Variants in PAPPA observed in about 807,000 individuals in gnomAD.
PAPPA encodes the protein pappalysin 1.
In PAPPA, 60 loss-of-function variants were observed where a neutral mutation model predicts 164.0. That is an observed-to-expected ratio of 0.37 (90% confidence interval 0.30 to 0.45). The LOEUF (loss-of-function observed/expected upper bound fraction) is 0.45. Among genes scored for constraint, PAPPA ranks in the 20% least tolerant of loss-of-function variants. The probability of loss-of-function intolerance (pLI) is 1.00; values close to 1 mark genes in which losing one functional copy is unlikely to be tolerated. For synonymous variants in PAPPA, 875 were observed against 814.1 expected, an observed-to-expected ratio of 1.07 and a Z score of -1.27; for missense variants, 1,782 against 2,087.3, an observed-to-expected ratio of 0.85 and a Z score of 2.85.
At position 116,400,841 on chromosome 9, in the gene PAPPA, C is replaced by G. The variant is rs1360906469; in HGVS notation, c.*4225C>G. ...GTACAGAAGTTAGAATTTTTGACTC[C>G]AGGCAGCAGTTTGCTCAGTGATCTT... is the stretch of plus-strand genomic sequence containing the variant. On this transcript the variant is annotated 3_prime_UTR_variant, in exon 22 of 22. Coordinates refer to ENST00000328252, the MANE Select transcript of PAPPA (RefSeq NM_002581.5). The G allele has an allele frequency of 6.6e-6, 1 of 152,584 alleles. No homozygotes were observed. The highest frequency in any genetic ancestry group is 1.5e-5 in the Non-Finnish European group (1 of 68,020). The allele number at this position is 152,584 out of a possible 1,614,324, so 9.5% of individuals were successfully genotyped here.
chr9:116,204,539 G>A (rs868483957), intron 2 of PAPPA, among the ~76,000 whole-genome samples: 4 of 152,082 alleles, frequency 2.6e-5, no homozygotes, highest in African/African-American at 4.8e-5. Flanking sequence ...CTCGGCCTCC[G>A]AAGTACTGGG....
intron 1 of PAPPA, among the ~76,000 whole-genome samples, chr9:116,173,280 G>A (rs888331902): frequency 1.3e-5 from 2 of 152,142 alleles, no homozygotes; most frequent in African/African-American, 4.8e-5. Context: ...AAATTTAGTA[G>A]TGTATCAAAC....
intron 18 of PAPPA, among the ~76,000 whole-genome samples, chr9:116,364,755 G>A (rs1462581587): frequency 6.6e-6 from 1 of 152,114 alleles, no homozygotes; most frequent in Non-Finnish European, 1.5e-5. Flanking sequence ...GAACAGTGGA[G>A]AAAGAGGGGA....
chr9:116,274,742 G>A (rs1845177048), intron 9 of PAPPA, among the ~76,000 whole-genome samples: 1 of 152,182 alleles, frequency 6.6e-6, no homozygotes, highest in African/African-American at 2.4e-5. Context: ...ATAAGGAAGA[G>A]CCCAACGCTT....
intron 2 of PAPPA, among the ~76,000 whole-genome samples, chr9:116,200,755 C>A (rs777476909): frequency 2.0e-5 from 3 of 151,478 alleles, no homozygotes; most frequent in Non-Finnish European, 2.9e-5. Context: ...TTAATAGAAT[C>A]TCAGTAAGTG....
chr9:116,298,475 C>A (rs75372938), intron 9 of PAPPA, among the ~76,000 whole-genome samples: 6,015 of 152,300 alleles, frequency 0.039, 163 homozygotes, highest in Non-Finnish European at 0.061. Context: ...GTGAGGAATT[C>A]CCTGATATGA....
chr9:116,192,634 G>A (rs753368884), intron 2 of PAPPA, among the ~76,000 whole-genome samples: 21 of 152,200 alleles, frequency 1.4e-4, no homozygotes, highest in Non-Finnish European at 2.8e-4. Flanking sequence ...CACAGTACTA[G>A]CCAGGAGGAG....
At chr9:116,263,339 C>T (rs530322747) in intron 7 of PAPPA, among the ~76,000 whole-genome samples, 61 of 152,266 alleles carry the variant, frequency 4.0e-4, no homozygotes, top group East Asian at 1.7e-3. Flanking sequence ...GGAAAGAGAG[C>T]AAGCTGCCAG....
At chr9:116,316,472 G>A (rs190957720) in intron 10 of PAPPA, 1 of 152,356 alleles carries the variant, frequency 6.6e-6, no homozygotes, top group African/African-American at 2.4e-5. Context: ...TTGTGCAGAT[G>A]TCTGTTGCCC....
chr9:116,186,162 A>G (rs1843966839), intron 1 of PAPPA, among the ~76,000 whole-genome samples: 1 of 151,540 alleles, frequency 6.6e-6, no homozygotes, highest in Non-Finnish European at 1.5e-5. Context: ...ATTATTAACT[A>G]TTATGTAGGC....
At chr9:116,246,335 C>A (rs1160963802) in intron 7 of PAPPA, among the ~76,000 whole-genome samples, 1 of 152,152 alleles carries the variant, frequency 6.6e-6, no homozygotes, top group Non-Finnish European at 1.5e-5. Flanking sequence ...TGACTCTAAG[C>A]TAGGACTATT....
chr9:116,289,247 CATATATGTAG>C (rs1845395068), intron 9 of PAPPA, among the ~76,000 whole-genome samples: 3 of 52,190 alleles, frequency 5.7e-5, no homozygotes, highest in South Asian at 8.5e-4. Context: ...ATATATATAG[CATATATGTAG>C]CATATATATA....
chr9:116,213,612 C>A (rs1335242711), intron 4 of PAPPA, among the ~76,000 whole-genome samples: 1 of 152,096 alleles, frequency 6.6e-6, no homozygotes, highest in Non-Finnish European at 1.5e-5. Context: ...TGGAAGTTTG[C>A]CGGCCTCTTA....
Position 116,398,696 on chromosome 9 carries a change from C to A in PAPPA, c.*2080C>A, listed in dbSNP as rs982394929. On this transcript the variant is annotated 3_prime_UTR_variant, in exon 22 of 22. Transcript: ENST00000328252. ...AGTTTATGAGACTTGTACCATTTCA[C>A]AAACTCTGAAATTGGGTTCCATATT... is the stretch of plus-strand genomic sequence containing the variant. The A allele has an allele frequency of 2.1e-6, 1 of 487,308 alleles. No individual in the cohort carries two copies. The allele number at this position is 487,308 out of a possible 1,614,324, so 30.2% of individuals were successfully genotyped here. A position where few individuals can be genotyped will look rare whatever the true frequency, so the allele number is the denominator to read the frequency against.
At chr9:116,253,089 C>A (rs1427364907) in intron 7 of PAPPA, among the ~76,000 whole-genome samples, 1 of 151,768 alleles carries the variant, frequency 6.6e-6, no homozygotes, top group Non-Finnish European at 1.5e-5. Flanking sequence ...CATGTGATTG[C>A]AAAATGTGTG....
At chr9:116,293,766 C>T (rs1845466096) in intron 9 of PAPPA, among the ~76,000 whole-genome samples, 1 of 152,032 alleles carries the variant, frequency 6.6e-6, no homozygotes, top group Non-Finnish European at 1.5e-5. Context: ...ACCAGCCTGA[C>T]CAATGTGGAG....
At chr9:116,348,495 A>T (rs60595548) in intron 15 of PAPPA, among the ~76,000 whole-genome samples, 3,014 of 151,712 alleles carry the variant, frequency 0.02, 85 homozygotes, top group African/African-American at 0.064. Flanking sequence ...CAGTTTTTTT[A>T]AAAAAAACTT....
At chr9:116,353,585 T>A (rs1846312476) in intron 16 of PAPPA, 37 bp from the exon 17 acceptor site, 2 of 1,593,506 alleles carry the variant, frequency 1.3e-6, no homozygotes, top group Non-Finnish European at 1.7e-6. Context: ...AGCCATTTGG[T>A]CCTTGAGATG....
intron 13 of PAPPA, among the ~76,000 whole-genome samples, chr9:116,344,058 G>A (rs1355936132): frequency 6.6e-6 from 1 of 152,122 alleles, no homozygotes; most frequent in East Asian, 1.9e-4. Flanking sequence ...GAGCCACCGC[G>A]CCCAGCCCAG....
Sources: gnomAD v4.1 joint callset for allele counts (sites outside exome capture counted in the v4.1 genomes callset) on GRCh38, gnomAD v4.1.1 for gene constraint, MANE v1.5 for transcripts, NCBI Gene and HGNC (gene_info 2026-07-23, HGNC 2026-07-21) for gene names.